KDM4C: variants seen among roughly 807,000 people sequenced by gnomAD.
KDM4C encodes lysine demethylase 4C.
A neutral mutation model predicts 129.3 loss-of-function variants in KDM4C; 81 were observed. The observed-to-expected ratio is 0.63, with a 90% CI of 0.52 to 0.75. The LOEUF (loss-of-function observed/expected upper bound fraction) is 0.75. KDM4C is among the 30% of genes least tolerant of loss of function. The pLI is 0.00. For missense variants in KDM4C, 1,457 were observed against 1,304.0 expected (o/e 1.12, Z -1.81); for synonymous variants, 573 against 456.1 (o/e 1.26, Z -3.26).
chr9:7,024,449 C>T (rs1465028457), intron 15 of KDM4C, among the ~76,000 whole-genome samples: 2 of 151,706 alleles, frequency 1.3e-5, no homozygotes, highest in Non-Finnish European at 2.9e-5. Context: ...TGTCATTTAG[C>T]ATTAGGTATA....
chr9:6,883,443 T>C (rs1844783014), intron 6 of KDM4C, among the ~76,000 whole-genome samples: 1 of 152,244 alleles, frequency 6.6e-6, no homozygotes, highest in African/African-American at 2.4e-5. Flanking sequence ...GTCTATCAGC[T>C]GGATTTCACT....
At chr9:6,792,047 T>G (rs1826750758) in intron 1 of KDM4C, among the ~76,000 whole-genome samples, 1 of 150,098 alleles carries the variant, frequency 6.7e-6, no homozygotes, top group African/African-American at 2.5e-5. Flanking sequence ...AAAAGGAAAA[T>G]TTATTTTTAC....
At position 7,009,817 on chromosome 9, in the gene KDM4C, T is replaced by TGA. The variant is rs1430802245; in HGVS notation, c.1787-1881_1787-1880insGA. ...ACTCCTTGAACATCATTGGTTTGAA[T>TGA]TGTTTGACTCTACTTACATGCAATT... On this transcript the variant is annotated intron_variant, in intron 12 of 21. Transcript: ENST00000381309. 3.3e-5 allele frequency among the ~76,000 whole-genome samples: 5 copies of TGA among 152,234 alleles called. 1 individual carries two copies. Among genetic ancestry groups the TGA allele is most frequent in the Non-Finnish European group, 7.3e-5 (5 of 68,038 alleles).
intron 8 of KDM4C, among the ~76,000 whole-genome samples, chr9:6,897,585 T>C (rs1032507688): frequency 1.3e-5 from 2 of 152,180 alleles, no homozygotes; most frequent in African/African-American, 4.8e-5. Flanking sequence ...ATGTTTCAGG[T>C]AGTCACATGT....
rs543434606 is a variant in KDM4C, at chr9:6,847,814, T to C, written c.436-1693T>C. Among the ~76,000 whole-genome samples the C allele has an allele frequency of 3.9e-5, 6 of 152,364 alleles. No individual in the cohort carries two copies. The South Asian group carries it at 1.0e-3, about 26-fold the overall frequency. Reference sequence around the variant, plus strand: ...GAATTAAATTATGTCCTTTGGCATGTTCAGTTATGTTACCTGAGTCAGAGT... The same window carrying C: ...GAATTAAATTATGTCCTTTGGCATGCTCAGTTATGTTACCTGAGTCAGAGT... On this transcript the variant is annotated intron_variant, in intron 4 of 21. Transcript: ENST00000381309.
At chr9:7,089,878 A>G (rs1460360175) in intron 17 of KDM4C, among the ~76,000 whole-genome samples, 1 of 152,232 alleles carries the variant, frequency 6.6e-6, no homozygotes, top group South Asian at 2.1e-4. Context: ...ATGAGAGGTC[A>G]GAGTTCTCAT....
intron 1 of KDM4C, among the ~76,000 whole-genome samples, chr9:6,732,170 T>A (rs796569884): frequency 1.3e-5 from 2 of 150,618 alleles, no homozygotes; most frequent in South Asian, 4.2e-4. Flanking sequence ...ATTGAGACCA[T>A]CCTGGCTAAC....
chr9:7,044,845 G>C (rs941435697), intron 15 of KDM4C, among the ~76,000 whole-genome samples: 1 of 151,944 alleles, frequency 6.6e-6, no homozygotes, highest in African/African-American at 2.4e-5. Flanking sequence ...CAGTGTGTGA[G>C]GATAGTGAAA....
At chr9:6,862,792 G>A (rs1467511199) in intron 5 of KDM4C, among the ~76,000 whole-genome samples, 1 of 151,024 alleles carries the variant, frequency 6.6e-6, no homozygotes, top group Non-Finnish European at 1.5e-5. Context: ...GGGTGACAGA[G>A]CGAGACTTTG....
chr9:6,845,207 G>A (rs1394938126), intron 4 of KDM4C, among the ~76,000 whole-genome samples: 1 of 152,034 alleles, frequency 6.6e-6, no homozygotes, highest in Non-Finnish European at 1.5e-5. Context: ...GAAGATTTAG[G>A]AATGCATTGA....
chr9:7,138,116 G>A (rs1289794801), intron 19 of KDM4C, among the ~76,000 whole-genome samples: 2 of 152,210 alleles, frequency 1.3e-5, no homozygotes, highest in Non-Finnish European at 2.9e-5. Context: ...TGGGCAAATG[G>A]AGAAGAGGAA....
chr9:6,889,250 T>TGTGTGTGTGTGTGTGTGTGG, intron 7 of KDM4C, among the ~76,000 whole-genome samples: 1 of 28,254 alleles, frequency 3.5e-5, no homozygotes, highest in Non-Finnish European at 8.0e-5. Context: ...TGTGTGTGTG[T>TGTGTGTGTGTGTGTGTGTGG]GGGAGGGTGG....
At chr9:7,089,278 A>G (rs979846291) in intron 17 of KDM4C, among the ~76,000 whole-genome samples, 1 of 152,130 alleles carries the variant, frequency 6.6e-6, no homozygotes, top group African/African-American at 2.4e-5. Context: ...TGAAGTCATC[A>G]TATGTTCCTC....
At chr9:7,087,894 C>T (rs953104233) in intron 17 of KDM4C, among the ~76,000 whole-genome samples, 5 of 152,114 alleles carry the variant, frequency 3.3e-5, no homozygotes, top group Admixed American at 6.5e-5. Flanking sequence ...TGAGAGGGCA[C>T]GTAGTTTTTC....
At position 6,849,590 on chromosome 9, in the gene KDM4C, A is replaced by G. The variant is rs778416034; in HGVS notation, c.519A>G (p.Val173=). The G allele has an allele frequency of 3.7e-6, 6 of 1,613,952 alleles. No homozygotes were observed. In the East Asian group the frequency reaches 8.9e-5, roughly 24 times the overall value. ...AGTGTGGCATTTCTATTGAGGGTGT[A>G]AATACCCCATATCTCTATTTTGGCA... is the stretch of plus-strand genomic sequence containing the variant. The part of the protein sequence containing the change: ...EEECGISIEG[V]NTPYLYFGMW... Residue 173 remains valine (V), a synonymous_variant, in exon 5 of 22, where the codon GTA becomes GTG. Coordinates refer to ENST00000381309, the MANE Select transcript of KDM4C (RefSeq NM_015061.6).
At chr9:6,871,487 A>G (rs1348157771) in intron 5 of KDM4C, among the ~76,000 whole-genome samples, 1 of 152,234 alleles carries the variant, frequency 6.6e-6, no homozygotes, top group East Asian at 1.9e-4. Context: ...TAGTGTGTTC[A>G]TAGTTCATTA....
chr9:7,046,783 T>A lies in KDM4C; in HGVS notation c.2260-79T>A, dbSNP rs1325649967. 8.4e-6 allele frequency: 8 copies of A among 956,762 alleles called. 1 individual carries two copies. The Admixed American group carries it at 1.4e-4, about 17-fold the overall frequency. 59.3% of individuals were successfully genotyped at this position (956,762 alleles called of 1,614,324 possible). ...AATTTTAGAATGAAAAATCAGGATC[T>A]CTGAGAATATTTAGATGAATGGTAA... is the stretch of plus-strand genomic sequence containing the variant. On this transcript the variant is annotated intron_variant, in intron 15 of 21. Coordinates refer to ENST00000381309, the MANE Select transcript of KDM4C (RefSeq NM_015061.6).
rs1366986554 is a variant in KDM4C at position 7,060,493 on chromosome 9, A to ATTATTATTG, written c.2424+11298_2424+11299insATTGTTATT. On this transcript the variant is annotated intron_variant, in intron 17 of 21. Transcript: ENST00000381309. ...TATTATTATTATTATTATTATTATT[A>ATTATTATTG]TTATTTTGAGATGGAGTCTTGGTCT... Among the ~76,000 whole-genome samples the ATTATTATTG allele has an allele frequency of 2.1e-5, 3 of 145,070 alleles. 1 individual carries two copies. In the East Asian group the frequency reaches 6.0e-4, roughly 29 times the overall value.
intron 13 of KDM4C, 46 bp from the exon 14 acceptor site, chr9:7,013,742 C>A: frequency 6.4e-7 from 1 of 1,566,244 alleles, no homozygotes; most frequent in Non-Finnish European, 8.8e-7. Context: ...GAATGATGAG[C>A]TCTTTTCCAT....
Sources: gnomAD v4.1 joint callset for allele counts (sites outside exome capture counted in the v4.1 genomes callset) on GRCh38, gnomAD v4.1.1 for gene constraint, MANE v1.5 for transcripts, NCBI Gene and HGNC (gene_info 2026-07-23, HGNC 2026-07-21) for gene names.